Variants in HECTD2 observed in about 807,000 individuals in gnomAD.
The protein encoded by HECTD2 is HECT domain E3 ubiquitin protein ligase 2, also known as probable E3 ubiquitin-protein ligase HECTD2.
In HECTD2, 35 loss-of-function variants were observed where a neutral mutation model predicts 103.2. That is an observed-to-expected ratio of 0.34 (90% CI 0.26 to 0.45). HECTD2 has a LOEUF of 0.45. Ranked by LOEUF, HECTD2 falls within the 20% of genes least tolerant of loss-of-function variation. HECTD2 has a pLI of 1.00. For synonymous variants in HECTD2, 281 were observed against 329.9 expected, an observed-to-expected ratio of 0.85 and a Z score of 1.61; for missense variants, 596 against 937.4, an observed-to-expected ratio of 0.64 and a Z score of 4.76.
At chr10:91,441,908 CT>C (rs1475951990) in intron 2 of HECTD2, among the ~76,000 whole-genome samples, 2 of 47,672 alleles carry the variant, frequency 4.2e-5, no homozygotes, top group Non-Finnish European at 8.3e-5. Flanking sequence ...TTTTTTTTTT[CT>C]TTTTTTTTTG....
chr10:91,462,512 C>G (rs1564719698), intron 5 of HECTD2: 1 of 1,090,370 alleles, frequency 9.2e-7, no homozygotes, highest in Non-Finnish European at 1.1e-6. Flanking sequence ...TAAACATTAG[C>G]CTGTATCAGA....
chr10:91,496,274 T>C lies in HECTD2; in HGVS notation c.1582T>C (p.Tyr528His). Residue 528 changes from tyrosine (Y) to histidine (H), a missense_variant, in exon 15 of 21, where the codon TAC becomes CAC. Physicochemically the swap from Tyr to His is moderately conservative, Grantham distance 83. Around this residue, in one of 4 missense-constraint regions of HECTD2, gnomAD observed 303 missense variants for 522.5 expected, o/e 0.58. Transcript: ENST00000298068. ...GGATATTCGTTTCCCTCCCTGCTGTTACAAGAAATTATTGAGCCCTCCCAT... is the reference window on the plus strand; with the variant it reads ...GGATATTCGTTTCCCTCCCTGCTGTCACAAGAAATTATTGAGCCCTCCCAT... ...TLDIRFPPCC[Y>H]KKLLSPPIIP... The C allele has an allele frequency of 6.2e-7, 1 of 1,612,702 alleles. No homozygotes were observed. The highest frequency in any genetic ancestry group is 8.5e-7 in the Non-Finnish European group (1 of 1,178,812).
intron 2 of HECTD2, among the ~76,000 whole-genome samples, chr10:91,439,195 T>G (rs1844278177): frequency 6.6e-6 from 1 of 152,086 alleles, no homozygotes; most frequent in Non-Finnish European, 1.5e-5. Flanking sequence ...TCTTCTAGGG[T>G]TTTTATGGTT....
At chr10:91,436,314 C>G (rs946477278) in intron 2 of HECTD2, among the ~76,000 whole-genome samples, 7 of 151,852 alleles carry the variant, frequency 4.6e-5, no homozygotes, top group African/African-American at 1.7e-4. Context: ...ATTTGGGTAG[C>G]CTGTTGATTG....
chr10:91,448,985 C>T (rs1033908654), intron 2 of HECTD2, among the ~76,000 whole-genome samples: 15 of 128,190 alleles, frequency 1.2e-4, no homozygotes, highest in African/African-American at 4.5e-4. Flanking sequence ...TGAAACTATT[C>T]TAAACAACAG....
Position 91,487,141 on chromosome 10 carries a change from T to G in HECTD2, c.1095-541T>G, listed in dbSNP as rs1386958278. On this transcript the variant is annotated intron_variant, in intron 10 of 20. Transcript: ENST00000298068. This position sits in a 1 kb window ranked among gnomAD's most constrained non-coding sequence, Gnocchi z 4.1. ...ATTACAAATACATACCATTTCCTAT[T>G]ACCACACCATTAAATATAATACTAA... 1 of 157,596 alleles carries G rather than the reference T, an allele frequency of 6.3e-6. No homozygotes were observed. The highest frequency in any genetic ancestry group is 1.4e-5 in the Non-Finnish European group (1 of 71,052). The allele number at this position is 157,596 out of a possible 1,614,324, so 9.8% of individuals were successfully genotyped here.
chr10:91,427,717 T>C (rs552650831), intron 2 of HECTD2, among the ~76,000 whole-genome samples: 6,783 of 152,246 alleles, frequency 0.045, 372 homozygotes, highest in African/African-American at 0.12. Flanking sequence ...CTTGTAAATT[T>C]GTTTGAGTTC....
chr10:91,411,447 CTT>C (rs1842914301), intron 1 of HECTD2, among the ~76,000 whole-genome samples: 1 of 152,172 alleles, frequency 6.6e-6, no homozygotes, highest in Admixed American at 6.5e-5. Context: ...AAGATCATGA[CTT>C]GTCATGCAGC....
chr10:91,502,869 G>C (rs1055947056), intron 20 of HECTD2, among the ~76,000 whole-genome samples: 1 of 152,080 alleles, frequency 6.6e-6, no homozygotes, highest in Middle Eastern at 3.2e-3. Context: ...GCTTCAACAT[G>C]AATCTAGAAC....
intron 14 of HECTD2, among the ~76,000 whole-genome samples, chr10:91,495,233 C>T (rs150143763): frequency 9.6e-4 from 146 of 151,970 alleles, no homozygotes; most frequent in African/African-American, 3.3e-3. Flanking sequence ...TGAGAAAGAA[C>T]AGGTATGAAC....
intron 2 of HECTD2, among the ~76,000 whole-genome samples, chr10:91,437,619 C>CTTTTTTTTTTTTTTTTTTTTGTTTTTT (rs59785873): frequency 1.3e-4 from 11 of 87,340 alleles, no homozygotes; most frequent in East Asian, 3.8e-4. Context: ...GATGGTTGTT[C>CTTTTTTTTTTTTTTTTTTTTGTTTTTT]TTTTTTTTTT....
At chr10:91,430,890 A>T (rs1007905723) in intron 2 of HECTD2, among the ~76,000 whole-genome samples, 5 of 151,236 alleles carry the variant, frequency 3.3e-5, no homozygotes, top group South Asian at 2.1e-4. Flanking sequence ...TTTAAAGTTA[A>T]TATCATTATG....
chr10:91,465,100 T>C (rs895273263), intron 5 of HECTD2, among the ~76,000 whole-genome samples: 34 of 152,182 alleles, frequency 2.2e-4, no homozygotes, highest in Admixed American at 1.2e-3. Context: ...TGGGTTTTTT[T>C]CCCCCCTCAG....
chr10:91,503,267 G>C (rs967368062), intron 20 of HECTD2, among the ~76,000 whole-genome samples: 2 of 152,108 alleles, frequency 1.3e-5, no homozygotes, highest in African/African-American at 4.8e-5. Flanking sequence ...AAAAAATGAG[G>C]GAGGAGCCAA....
At chr10:91,445,991 T>A (rs1844597172) in intron 2 of HECTD2, among the ~76,000 whole-genome samples, 1 of 147,608 alleles carries the variant, frequency 6.8e-6, no homozygotes, top group African/African-American at 2.5e-5. Flanking sequence ...GCTGCAGGAA[T>A]TTTTTTTTTT....
At chr10:91,411,290 C>T (rs1842908824) in intron 1 of HECTD2, among the ~76,000 whole-genome samples, 1 of 151,994 alleles carries the variant, frequency 6.6e-6, no homozygotes, top group African/African-American at 2.4e-5. Flanking sequence ...TGTCATGGGA[C>T]AGCCCCCTCC....
intron 1 of HECTD2, among the ~76,000 whole-genome samples, chr10:91,417,872 T>G (rs1843195294): frequency 6.6e-6 from 1 of 152,222 alleles, no homozygotes; most frequent in Non-Finnish European, 1.5e-5. Flanking sequence ...ATCCTTTGGG[T>G]ATATACCCAG....
chr10:91,409,913 G>T (rs1842842395), upstream of HECTD2, among the ~76,000 whole-genome samples: 1 of 152,146 alleles, frequency 6.6e-6, no homozygotes, highest in South Asian at 2.1e-4. Context: ...GTCCGTGAAG[G>T]GTAGTCTGTG....
chr10:91,479,461 C>A (rs1365834978), intron 6 of HECTD2, among the ~76,000 whole-genome samples: 1 of 152,128 alleles, frequency 6.6e-6, no homozygotes, highest in Non-Finnish European at 1.5e-5. Flanking sequence ...TGTATAGTTT[C>A]ATGTGACTTT....
Sources: gnomAD v4.1 joint callset for allele counts (sites outside exome capture counted in the v4.1 genomes callset) on GRCh38, gnomAD v4.1.1 for gene constraint, gnomAD v4.1.1 regional missense constraint, Gnocchi (gnomAD v3.1) non-coding constraint, MANE v1.5 for transcripts, NCBI Gene and HGNC (gene_info 2026-07-23, HGNC 2026-07-21) for gene names.